The following TBRG4 variants were observed in gnomAD, a reference collection of about 807,000 sequenced individuals.
The protein encoded by TBRG4 is FAST kinase domain-containing protein 4.
A neutral mutation model predicts 65.6 loss-of-function variants in TBRG4; 43 were observed. The observed-to-expected ratio is 0.66, with a 90% confidence interval of 0.51 to 0.85. TBRG4 has a LOEUF of 0.85. TBRG4 is among the 40% of genes least tolerant of loss of function. The probability of loss-of-function intolerance (pLI) is 0.00; values close to 1 mark genes in which losing one functional copy is unlikely to be tolerated. For synonymous variants in TBRG4, 366 were observed against 341.4 expected, an observed-to-expected ratio of 1.07 and a Z score of -0.79; for missense variants, 709 against 787.9, an observed-to-expected ratio of 0.90 and a Z score of 1.20.
intron 10 of TBRG4, 109 bp downstream of exon 10, chr7:45,101,149 C>A (rs536457102): frequency 3.8e-5 from 41 of 1,072,796 alleles, no homozygotes; most frequent in Admixed American, 5.0e-5. Context: ...CCCGGGGCCA[C>A]GGGCAGGGCA....
rs760930055 is a variant in TBRG4, at chr7:45,101,332, G to A, written c.1720C>T (p.Arg574Ter). Residue 574 changes from arginine (R) to a stop codon, truncating the protein, a stop_gained, in exon 10 of 11, where the codon CGA becomes TGA. Transcript: ENST00000258770. LOFTEE classifies it high-confidence loss of function. ...LRWEFPNFNSRSKDLLGRFVL... is the reference protein window; with the variant it reads ...LRWEFPNFNS The stretch of plus-strand genomic sequence containing the variant: ...AAGCGACCCAGCAAGTCCTTGCTTC[G>A]GCTGTTGAAGTTGGGGAACTCCCAC... 13 of 1,613,880 alleles carry A rather than the reference G, an allele frequency of 8.1e-6. No individual in the cohort carries two copies. Among genetic ancestry groups the A allele is most frequent in the African/African-American group, 5.3e-5 (4 of 74,932 alleles).
Position 45,101,898 on chromosome 7 carries a change from C to T in TBRG4, c.1494G>A (p.Glu498=). ...KVTPLQKELQ[E]TLKGLLGSAD... ...CGCTCCCCAGCAGCCCCTTCAGCGT[C>T]TCCTGCAGCTCCTTTTGCAGGGGGG... The change falls in exon 8 of 11, where the codon GAG becomes GAA. Residue 498 remains glutamate (E), a synonymous_variant. Coordinates refer to ENST00000258770, the MANE Select transcript of TBRG4 (RefSeq NM_004749.4). 6.2e-7 allele frequency: 1 copy of T among 1,611,316 alleles called. No homozygotes were observed. Among genetic ancestry groups the T allele is most frequent in the Non-Finnish European group, 8.5e-7 (1 of 1,179,276 alleles).
chr7:45,102,560 A>G (rs1373403547), intron 6 of TBRG4, 69 bp from the exon 7 acceptor site: 2 of 1,563,382 alleles, frequency 1.3e-6, no homozygotes, highest in Non-Finnish European at 8.6e-7. Flanking sequence ...CATGGGTGAG[A>G]CACAATCCAT....
At chr7:45,102,166 C>T (rs1368050485) in intron 7 of TBRG4, 96 bp from the exon 8 acceptor site, 2 of 1,530,110 alleles carry the variant, frequency 1.3e-6, no homozygotes, top group African/African-American at 1.4e-5. Flanking sequence ...CCAGTCCCAG[C>T]CCAGTTTTCT....
chr7:45,108,903 GA>G lies in TBRG4; in HGVS notation c.334del (p.Ser112LeufsTer113), dbSNP rs1785036626. The G allele has an allele frequency of 1.9e-6, 3 of 1,593,228 alleles. No individual in the cohort carries two copies. Among genetic ancestry groups the G allele is most frequent in the Non-Finnish European group, 2.6e-6 (3 of 1,172,486 alleles). ...CAAGCCTTTATCTTCTGGCTTCTCAGACAGCAAGTGAGAGAGCCGGATAAGT... is the reference window on the plus strand; with the variant it reads ...CAAGCCTTTATCTTCTGGCTTCTCAGCAGCAAGTGAGAGAGCCGGATAAGT... ...MVLIRLSHLL[S>X]EKPEDKGLLI... On this transcript the variant is annotated frameshift_variant, in exon 2 of 11. Coordinates refer to ENST00000258770, the MANE Select transcript of TBRG4 (RefSeq NM_004749.4). LOFTEE classifies it high-confidence loss of function.
In TBRG4 at chr7:45,102,508, TGTG is replaced by T. The variant is rs757562305; in HGVS notation, c.1177-20_1177-18del. On this transcript the variant is annotated intron_variant, in intron 6 of 10. Coordinates refer to ENST00000258770, the MANE Select transcript of TBRG4 (RefSeq NM_004749.4). ...CTCATGTACCTGGGCAAGGATAGAG[TGTG>T]GTGGAGAAAGCAGGCTCTCCTTAGG... 19 of 1,603,874 alleles carry T rather than the reference TGTG, an allele frequency of 1.2e-5. No individual in the cohort carries two copies. The highest frequency in any genetic ancestry group is 1.6e-5 in the Non-Finnish European group (19 of 1,179,056).
Position 45,102,356 on chromosome 7 carries a change from G to A in TBRG4, c.1312C>T (p.Gln438Ter). The A allele has an allele frequency of 6.2e-7, 1 of 1,614,118 alleles. No individual in the cohort carries two copies. The highest frequency in any genetic ancestry group is 8.5e-7 in the Non-Finnish European group (1 of 1,180,038). The change falls in exon 7 of 11, where the codon CAA becomes TAA. Residue 438 changes from glutamine (Q) to a stop codon, truncating the protein, a stop_gained. Transcript: ENST00000258770. LOFTEE classifies it high-confidence loss of function. Reference protein sequence around the residue: ...QAVLHPEFHIQFLGGKSQKDQ... With the variant: ...QAVLHPEFHI ...GGGGCAGGGGGCTCACCTAGAAATT[G>A]GATGTGAAATTCAGGGTGGAGGACG...
At position 45,104,363 on chromosome 7, in the gene TBRG4, A is replaced by T. The variant is rs1302894664; in HGVS notation, c.908-107T>A. On this transcript the variant is annotated intron_variant, in intron 4 of 10. Coordinates refer to ENST00000258770, the MANE Select transcript of TBRG4 (RefSeq NM_004749.4). Reference sequence around the variant, plus strand: ...GTCTAGATATTTGATGTCTGTAACCAAATTTATCCCTGAGCCTGGGACACA... The same window carrying T: ...GTCTAGATATTTGATGTCTGTAACCTAATTTATCCCTGAGCCTGGGACACA... 3.1e-6 allele frequency: 5 copies of T among 1,588,156 alleles called. No individual in the cohort carries two copies. The Admixed American group carries it at 6.7e-5, about 21-fold the overall frequency.
Position 45,111,672 on chromosome 7 carries a change from G to T in TBRG4, c.-80C>A. 1.6e-6 allele frequency: 2 copies of T among 1,289,306 alleles called. No homozygotes were observed. Among genetic ancestry groups the T allele is most frequent in the Non-Finnish European group, 2.0e-6 (2 of 988,802 alleles). The allele number at this position is 1,289,306 out of a possible 1,614,324, so 79.9% of individuals were successfully genotyped here. ...CGAGCACCACCGCTGACCTCCATCCGCCGCCCTAACTGTCCCCGGAACCAT... is the reference window on the plus strand; with the variant it reads ...CGAGCACCACCGCTGACCTCCATCCTCCGCCCTAACTGTCCCCGGAACCAT... On this transcript the variant is annotated 5_prime_UTR_variant, in exon 1 of 11. Coordinates refer to ENST00000258770, the MANE Select transcript of TBRG4 (RefSeq NM_004749.4).
chr7:45,101,186 C>T lies in TBRG4; in HGVS notation c.1794+72G>A, dbSNP rs561721738. The T allele has an allele frequency of 1.4e-5, 20 of 1,479,572 alleles. No homozygotes were observed. In the African/African-American group the frequency reaches 2.5e-4, roughly 18 times the overall value. The allele number at this position is 1,479,572 out of a possible 1,614,324, so 91.7% of individuals were successfully genotyped here. ...GTGTCTATACCTGCTGGCTCAGTTC[C>T]ACCTGATCCCCTCTCTAGCGTGGGT... On this transcript the variant is annotated intron_variant, in intron 10 of 10. Coordinates refer to ENST00000258770, the MANE Select transcript of TBRG4 (RefSeq NM_004749.4).
At chr7:45,106,775 C>G (rs1784970911) in intron 2 of TBRG4, 1 of 152,132 alleles carries the variant, frequency 6.6e-6, no homozygotes, top group Non-Finnish European at 1.5e-5. Flanking sequence ...GACTCTGTCT[C>G]AAACAACAAA....
At chr7:45,111,237 A>T (rs1785115434) in intron 1 of TBRG4, 1 of 154,538 alleles carries the variant, frequency 6.5e-6, no homozygotes, top group African/African-American at 2.4e-5. Context: ...GGAGTGAGCC[A>T]CCGCGCCCGG....
Position 45,109,243 on chromosome 7 carries a change from C to G in TBRG4, c.-6G>C, listed in dbSNP as rs200523970. The stretch of plus-strand genomic sequence containing the variant: ...TTTACCAGGTGAGCTGCCATGATGT[C>G]CTGGGTGGCAGAGAGACAAGACTCC... On this transcript the variant is annotated 5_prime_UTR_variant, in exon 2 of 11. Coordinates refer to ENST00000258770, the MANE Select transcript of TBRG4 (RefSeq NM_004749.4). The G allele has an allele frequency of 6.4e-7, 1 of 1,571,528 alleles. No homozygotes were observed. The highest frequency in any genetic ancestry group is 8.6e-7 in the Non-Finnish European group (1 of 1,160,180).
At chr7:45,109,914 T>C (rs1311747345) in intron 1 of TBRG4, among the ~76,000 whole-genome samples, 1 of 145,602 alleles carries the variant, frequency 6.9e-6, no homozygotes, top group African/African-American at 2.5e-5. Context: ...GAGGCGGAGA[T>C]TGCAGTGAGC....
At position 45,101,285 on chromosome 7, in the gene TBRG4, T is replaced by C. The variant is rs1207922392; in HGVS notation, c.1767A>G (p.Ile589Met). ...CCACTATCAGGAAGCCTGCAGCCAC[T>C]ATGTGTCGCCGGGCCAGAACAAAGC... ...LGRFVLARRHIVAAGFLIVDV... is the reference protein window; with the variant it reads ...LGRFVLARRHMVAAGFLIVDV... The change falls in exon 10 of 11, where the codon ATA becomes ATG. Residue 589 changes from isoleucine (I) to methionine (M), a missense_variant. Physicochemically the swap from Ile to Met is conservative, Grantham distance 10. Transcript: ENST00000258770. 6.2e-7 allele frequency: 1 copy of C among 1,613,732 alleles called. No individual in the cohort carries two copies. Among genetic ancestry groups the C allele is most frequent in the African/African-American group, 1.3e-5 (1 of 74,934 alleles).
At chr7:45,103,054 C>T (rs1241588213) in intron 6 of TBRG4, 3 of 502,218 alleles carry the variant, frequency 6.0e-6, no homozygotes, top group African/African-American at 3.9e-5. Flanking sequence ...CACGAAGGCC[C>T]ACTGGAGCTT....
At chr7:45,101,000 T>C (rs1866583) in intron 10 of TBRG4, among the ~76,000 whole-genome samples, 20,391 of 152,318 alleles carry the variant, frequency 0.13, 1,664 homozygotes, top group Admixed American at 0.2. Flanking sequence ...GGCCCTACCC[T>C]GCCCACCTCT....
chr7:45,106,238 A>G (rs1343817349), intron 2 of TBRG4: 1 of 340,274 alleles, frequency 2.9e-6, no homozygotes, highest in African/African-American at 2.1e-5. Flanking sequence ...CTTGCAAGCA[A>G]GAACTCTAGA....
At chr7:45,103,223 G>T in intron 6 of TBRG4, 110 bp downstream of exon 6, 3 of 829,970 alleles carry the variant, frequency 3.6e-6, no homozygotes, top group Non-Finnish European at 6.0e-6. Flanking sequence ...GCCACACATA[G>T]TGGCCCCTCC....
Sources: allele counts gnomAD v4.1 joint callset (sites outside exome capture counted in the v4.1 genomes callset), GRCh38; gene constraint gnomAD v4.1.1; transcripts MANE v1.5; gene names NCBI Gene and HGNC (gene_info 2026-07-23, HGNC 2026-07-21).